The following GRXCR1 variants were observed in gnomAD, a reference collection of about 807,000 sequenced individuals.
The protein encoded by GRXCR1 is glutaredoxin and cysteine rich domain containing 1.
In GRXCR1, 27 loss-of-function variants were observed where a neutral mutation model predicts 27.3. The observed-to-expected ratio is 0.99, with a 90% confidence interval of 0.73 to 1.37. The LOEUF is 1.37. Ranked by LOEUF, GRXCR1 falls within the 40% of genes most tolerant of loss-of-function variation. GRXCR1 has a pLI of 0.00. For missense variants in GRXCR1, 379 were observed against 354.4 expected (o/e 1.07, Z -0.56); for synonymous variants, 122 against 131.1 (o/e 0.93, Z 0.47).
chr4:42,922,960 C>T (rs1277618880), intron 1 of GRXCR1, among the ~76,000 whole-genome samples: 2 of 152,054 alleles, frequency 1.3e-5, no homozygotes, highest in Admixed American at 1.3e-4. Context: ...CTTGCCAGCT[C>T]TCTCCACTTC....
At chr4:43,029,965 C>T (rs1410670857) in intron 3 of GRXCR1, among the ~76,000 whole-genome samples, 3 of 149,518 alleles carry the variant, frequency 2.0e-5, no homozygotes, top group Non-Finnish European at 4.4e-5. Context: ...ATATGCTATT[C>T]TATAAACAGA....
intron 2 of GRXCR1, among the ~76,000 whole-genome samples, chr4:42,977,020 A>G (rs1436458812): frequency 6.6e-6 from 1 of 151,990 alleles, no homozygotes; most frequent in Non-Finnish European, 1.5e-5. Flanking sequence ...CTCTACTTTT[A>G]TAAGTTCAAC....
At chr4:43,004,934 A>G (rs1264582844) in intron 2 of GRXCR1, among the ~76,000 whole-genome samples, 1 of 152,186 alleles carries the variant, frequency 6.6e-6, no homozygotes, top group Non-Finnish European at 1.5e-5. Context: ...TGAGAAGGAC[A>G]TGAGATTTGG....
chr4:42,956,743 G>T (rs1187283464), intron 1 of GRXCR1, among the ~76,000 whole-genome samples: 1 of 152,010 alleles, frequency 6.6e-6, no homozygotes, highest in Non-Finnish European at 1.5e-5. Flanking sequence ...CACAACCCTG[G>T]GGGAACTGTT....
intron 2 of GRXCR1, among the ~76,000 whole-genome samples, chr4:42,980,770 T>C (rs1363565357): frequency 6.6e-6 from 1 of 152,078 alleles, no homozygotes; most frequent in East Asian, 1.9e-4. Context: ...CATCTATATC[T>C]CCCTTCAAAT....
At chr4:42,977,436 T>G (rs941384812) in intron 2 of GRXCR1, among the ~76,000 whole-genome samples, 1 of 152,012 alleles carries the variant, frequency 6.6e-6, no homozygotes, top group African/African-American at 2.4e-5. Flanking sequence ...TTTCCACCAA[T>G]AATGTGCAAG....
At chr4:42,929,896 G>A (rs1322225728) in intron 1 of GRXCR1, among the ~76,000 whole-genome samples, 3 of 151,858 alleles carry the variant, frequency 2.0e-5, no homozygotes, top group African/African-American at 7.3e-5. Flanking sequence ...ACTCCTTTGA[G>A]CCAATTCTAT....
intron 1 of GRXCR1, among the ~76,000 whole-genome samples, chr4:42,924,960 A>C (rs1747121654): frequency 6.6e-6 from 1 of 151,968 alleles, no homozygotes; most frequent in South Asian, 2.1e-4. Context: ...TGTAAACAAT[A>C]TGCATTTGTT....
chr4:42,942,564 G>A (rs1208277892), intron 1 of GRXCR1, among the ~76,000 whole-genome samples: 3 of 152,048 alleles, frequency 2.0e-5, no homozygotes, highest in Non-Finnish European at 1.5e-5. Context: ...TCAGTCTTAT[G>A]GTGAAAACAC....
intron 1 of GRXCR1, among the ~76,000 whole-genome samples, chr4:42,924,656 A>G (rs944029196): frequency 6.6e-6 from 1 of 152,084 alleles, no homozygotes; most frequent in African/African-American, 2.4e-5. Flanking sequence ...TGCTGTGTAT[A>G]CAGCAGAAAC....
chr4:43,027,945 C>G (rs1458849157), intron 3 of GRXCR1, among the ~76,000 whole-genome samples: 1 of 151,970 alleles, frequency 6.6e-6, no homozygotes, highest in African/African-American at 2.4e-5. Flanking sequence ...CCCATCTCTA[C>G]TAAAAATACA....
chr4:43,014,285 A>G (rs1712862289), intron 2 of GRXCR1, among the ~76,000 whole-genome samples: 2 of 152,138 alleles, frequency 1.3e-5, no homozygotes, highest in Non-Finnish European at 2.9e-5. Flanking sequence ...ACTGGAAAAG[A>G]TCCAGAGCTG....
At chr4:42,906,355 C>T (rs1175239963) in intron 1 of GRXCR1, among the ~76,000 whole-genome samples, 2 of 152,192 alleles carry the variant, frequency 1.3e-5, no homozygotes, top group African/African-American at 4.8e-5. Flanking sequence ...AAACTTCCCA[C>T]CACAGCGCAC....
At chr4:42,994,026 G>A (rs573389261) in intron 2 of GRXCR1, among the ~76,000 whole-genome samples, 1 of 152,144 alleles carries the variant, frequency 6.6e-6, no homozygotes, top group Admixed American at 6.5e-5. Context: ...TTTAGGAAAG[G>A]AAGAAATGTT....
rs139124663 is a variant in GRXCR1 at position 42,926,071 on chromosome 4, A to G, written c.384+32421A>G. The stretch of plus-strand genomic sequence containing the variant: ...ACCTTTCGACTTTTTCCACTTGAAG[A>G]TACTCGACTAATATGTTTCCTGCTA... On this transcript the variant is annotated intron_variant, in intron 1 of 3. Coordinates refer to ENST00000399770, the MANE Select transcript of GRXCR1 (RefSeq NM_001080476.3). 2.7e-4 allele frequency among the ~76,000 whole-genome samples: 41 copies of G among 152,152 alleles called. No individual in the cohort carries two copies. The East Asian group carries it at 7.4e-3, about 27-fold the overall frequency.
intron 1 of GRXCR1, among the ~76,000 whole-genome samples, chr4:42,911,522 A>G (rs1229324868): frequency 6.6e-6 from 1 of 152,126 alleles, no homozygotes; most frequent in African/African-American, 2.4e-5. Context: ...AAGTAGCAGA[A>G]AATATATATT....
chr4:43,008,641 C>T (rs1311963580), intron 2 of GRXCR1, among the ~76,000 whole-genome samples: 2 of 152,096 alleles, frequency 1.3e-5, no homozygotes, highest in Non-Finnish European at 2.9e-5. Context: ...TTATTAGTAT[C>T]AGGCTTATTC....
At chr4:43,017,051 A>G (rs1712953056) in intron 2 of GRXCR1, among the ~76,000 whole-genome samples, 1 of 152,232 alleles carries the variant, frequency 6.6e-6, no homozygotes, top group Non-Finnish European at 1.5e-5. Flanking sequence ...CATGTATTGA[A>G]GGGTAATGAG....
At chr4:43,000,404 A>T (rs1431296923) in intron 2 of GRXCR1, among the ~76,000 whole-genome samples, 1 of 148,462 alleles carries the variant, frequency 6.7e-6, no homozygotes, top group Non-Finnish European at 1.5e-5. Context: ...TGAACCAGGG[A>T]CTAGGAGGTT....
Sources: gnomAD v4.1 joint callset for allele counts (sites outside exome capture counted in the v4.1 genomes callset) on GRCh38, gnomAD v4.1.1 for gene constraint, MANE v1.5 for transcripts, NCBI Gene and HGNC (gene_info 2026-07-23, HGNC 2026-07-21) for gene names.